Variants in ZNF385D observed in about 807,000 individuals in gnomAD.
The protein encoded by ZNF385D is zinc finger protein 385D, also known as zinc finger protein 659.
ZNF385D carries 15 observed loss-of-function variants against 35.8 expected under a neutral mutation model. That is an observed-to-expected ratio of 0.42 (90% confidence interval 0.28 to 0.64). ZNF385D has a LOEUF of 0.64. Among genes scored for constraint, ZNF385D ranks in the 30% least tolerant of loss-of-function variants. The pLI is 0.23. For missense variants in ZNF385D, 474 were observed against 494.6 expected (o/e 0.96, Z 0.39); for synonymous variants, 212 against 186.8 (o/e 1.13, Z -1.10).
At chr3:22,209,930 GAC>G (rs749204274) in intron 2 of ZNF385D, among the ~76,000 whole-genome samples, 1 of 151,692 alleles carries the variant, frequency 6.6e-6, no homozygotes, top group Non-Finnish European at 1.5e-5. Flanking sequence ...TTAGTAACGG[GAC>G]ACAGACAATT....
At chr3:21,803,036 G>A (rs1256944677) in intron 3 of ZNF385D, among the ~76,000 whole-genome samples, 2 of 152,152 alleles carry the variant, frequency 1.3e-5, no homozygotes, top group African/African-American at 2.4e-5. Flanking sequence ...TTTTAATTAT[G>A]TTAAGAGTTT....
At chr3:21,858,465 G>A (rs553400189) in intron 3 of ZNF385D, among the ~76,000 whole-genome samples, 1 of 150,670 alleles carries the variant, frequency 6.6e-6, no homozygotes, top group South Asian at 2.1e-4. Flanking sequence ...GGCCTTCAAA[G>A]GTTAATTAGC....
chr3:22,261,153 C>T (rs532403286), intron 2 of ZNF385D, among the ~76,000 whole-genome samples: 1 of 151,984 alleles, frequency 6.6e-6, no homozygotes, highest in Admixed American at 6.6e-5. Context: ...TTCTACTCAT[C>T]TACTTATAGC....
chr3:21,654,104 A>G (rs2066002467), intron 2 of ZNF385D, among the ~76,000 whole-genome samples: 1 of 152,070 alleles, frequency 6.6e-6, no homozygotes, highest in Non-Finnish European at 1.5e-5. Context: ...CATTTAAAAA[A>G]AAAACTTGAA....
chr3:21,630,983 A>T (rs1052471675), intron 2 of ZNF385D, among the ~76,000 whole-genome samples: 5 of 152,130 alleles, frequency 3.3e-5, no homozygotes, highest in African/African-American at 1.2e-4. Flanking sequence ...CGAGTTTCGT[A>T]GTTTCGTAAA....
chr3:21,840,694 C>G (rs998170684), intron 3 of ZNF385D, among the ~76,000 whole-genome samples: 1 of 152,044 alleles, frequency 6.6e-6, no homozygotes, highest in African/African-American at 2.4e-5. Flanking sequence ...GTGATGTTTC[C>G]ATCCAGTTCT....
intron 2 of ZNF385D, among the ~76,000 whole-genome samples, chr3:22,369,877 G>C (rs892198463): frequency 1.3e-5 from 2 of 152,084 alleles, no homozygotes; most frequent in African/African-American, 4.8e-5. Context: ...TTATGAAGTT[G>C]GAGATTATAA....
chr3:22,024,495 G>T (rs546559746), intron 3 of ZNF385D, among the ~76,000 whole-genome samples: 38 of 151,884 alleles, frequency 2.5e-4, no homozygotes, highest in African/African-American at 9.2e-4. Flanking sequence ...AAAATGCTAA[G>T]GACTCTACTT....
At chr3:21,571,559 TATA>T (rs928858186) in intron 2 of ZNF385D, among the ~76,000 whole-genome samples, 3 of 152,096 alleles carry the variant, frequency 2.0e-5, no homozygotes, top group Non-Finnish European at 2.9e-5. Context: ...AGTACTGCAA[TATA>T]ATACTGCCAC....
intron 2 of ZNF385D, among the ~76,000 whole-genome samples, chr3:22,179,060 C>T (rs13098464): frequency 0.18 from 26,652 of 151,852 alleles, 2,509 homozygotes; most frequent in African/African-American, 0.2. Context: ...ATTGACTTGG[C>T]GATGTGGGCT....
At chr3:21,631,631 G>T (rs2065284300) in intron 2 of ZNF385D, among the ~76,000 whole-genome samples, 1 of 151,996 alleles carries the variant, frequency 6.6e-6, no homozygotes, top group Non-Finnish European at 1.5e-5. Context: ...GGTGACTTGG[G>T]CAATCTAACC....
At chr3:21,843,762 AAG>A (rs1264966708) in intron 3 of ZNF385D, among the ~76,000 whole-genome samples, 1 of 151,984 alleles carries the variant, frequency 6.6e-6, no homozygotes, top group African/African-American at 2.4e-5. Flanking sequence ...TTCTTAATGA[AAG>A]AGTTATTTCA....
At position 22,247,033 on chromosome 3, in the gene ZNF385D, T is replaced by C. The variant is rs1035298144; in HGVS notation, c.107-77998A>G. On this transcript the variant is annotated intron_variant, in intron 2 of 5. Transcript: ENST00000494108. ...TACACAAACAACTTCATTTATACAC[T>C]AACTCACACAGTTTTACTTATACAC... is the stretch of plus-strand genomic sequence containing the variant. Among the ~76,000 whole-genome samples the C allele has an allele frequency of 3.9e-5, 6 of 152,274 alleles. No homozygotes were observed. In the East Asian group the frequency reaches 1.2e-3, roughly 29 times the overall value.
intron 2 of ZNF385D, among the ~76,000 whole-genome samples, chr3:21,664,593 G>A (rs1191749675): frequency 6.6e-6 from 1 of 152,110 alleles, no homozygotes; most frequent in East Asian, 1.9e-4. Context: ...TTTCAATATG[G>A]ATGTATACCT....
chr3:21,644,351 T>G (rs1354058860), intron 2 of ZNF385D, among the ~76,000 whole-genome samples: 2 of 152,178 alleles, frequency 1.3e-5, no homozygotes, highest in Middle Eastern at 3.4e-3. Flanking sequence ...TCCCCATAGC[T>G]CAGGGTGCAA....
intron 4 of ZNF385D, among the ~76,000 whole-genome samples, chr3:21,448,265 A>G (rs1036786499): frequency 1.3e-5 from 2 of 152,192 alleles, no homozygotes; most frequent in Non-Finnish European, 2.9e-5. Flanking sequence ...AAAGGAAATG[A>G]GAAAAATTAC....
chr3:21,732,662 T>C (rs560566553), intron 1 of ZNF385D, among the ~76,000 whole-genome samples: 1 of 152,354 alleles, frequency 6.6e-6, no homozygotes, highest in Admixed American at 6.5e-5. Context: ...CACCTTTTCA[T>C]ATGCCTATTT....
In ZNF385D at chr3:21,724,287, A is replaced by G. The variant is rs113271264; in HGVS notation, c.22+26608T>C. On this transcript the variant is annotated intron_variant, in intron 1 of 7. Transcript: ENST00000281523. ...GCTAGCATCATAATGACAGGCTCAA[A>G]TTCGCACATAACAATATTAACCTTA... Among the ~76,000 whole-genome samples the G allele has an allele frequency of 6.6e-3, 1,010 of 152,078 alleles. 13 individuals are homozygous for G. Among genetic ancestry groups the G allele is most frequent in the African/African-American group, 0.021 (876 of 41,444 alleles).
chr3:22,183,651 G>C (rs757631946), intron 2 of ZNF385D, among the ~76,000 whole-genome samples: 15 of 152,014 alleles, frequency 9.9e-5, no homozygotes, highest in Non-Finnish European at 1.6e-4. Flanking sequence ...GATTCTTTAT[G>C]AAAGTTACTT....
Sources: allele counts gnomAD v4.1 joint callset (sites outside exome capture counted in the v4.1 genomes callset), GRCh38; gene constraint gnomAD v4.1.1; transcripts MANE v1.5; gene names NCBI Gene and HGNC (gene_info 2026-07-23, HGNC 2026-07-21).